Variants in ZNF517 observed in about 807,000 individuals in gnomAD.
The protein encoded by ZNF517 is zinc finger protein 517.
A neutral mutation model predicts 12.1 loss-of-function variants in ZNF517; 12 were observed. The ratio of observed to expected loss-of-function variants is 0.99; its 90% CI spans 0.63 to 1.61. The LOEUF (loss-of-function observed/expected upper bound fraction) is 1.61, where lower values mean the gene tolerates loss of function less well. Ranked by LOEUF, ZNF517 falls within the 40% of genes most tolerant of loss-of-function variation. The probability of loss-of-function intolerance (pLI) is 0.00; values close to 1 mark genes in which losing one functional copy is unlikely to be tolerated. For missense variants in ZNF517, 781 were observed against 693.2 expected, an observed-to-expected ratio of 1.13 and a Z score of -1.42; for synonymous variants, 388 against 310.2, an observed-to-expected ratio of 1.25 and a Z score of -2.63.
At chr8:144,800,748 C>T in intron 1 of ZNF517, 1 of 955,732 alleles carries the variant, frequency 1.0e-6, no homozygotes, top group African/African-American at 1.8e-5. Context: ...CCCCCATCGC[C>T]CTTCGTACCC....
downstream of ZNF517, among the ~76,000 whole-genome samples, chr8:144,812,423 G>A (rs1241145693): frequency 6.7e-6 from 1 of 149,536 alleles, no homozygotes; most frequent in African/African-American, 2.5e-5. Flanking sequence ...CAAAGGCTGA[G>A]ACAGGGTGGG....
At chr8:144,799,470 C>T (rs1280843660) in intron 1 of ZNF517, among the ~76,000 whole-genome samples, 3 of 152,228 alleles carry the variant, frequency 2.0e-5, no homozygotes, top group Non-Finnish European at 4.4e-5. Flanking sequence ...GCGAACAGCC[C>T]GCCTCGCCTC....
chr8:144,807,422 G>C lies in ZNF517; in HGVS notation c.506G>C (p.Arg169Pro). The stretch of plus-strand genomic sequence containing the variant: ...AGGGTTCTGCAGGAAGACCTGGGCC[G>C]GCCTGTGGGGAGCTCAGCCCCCCGC... Reference protein sequence around the residue: ...SPRVLQEDLGRPVGSSAPRYR... With the variant: ...SPRVLQEDLGPPVGSSAPRYR... The change falls in exon 5 of 5, where the codon CGG becomes CCG. Residue 169 changes from arginine to proline, a missense_variant. Transcript: ENST00000359971. 1 of 1,567,878 alleles carries C rather than the reference G, an allele frequency of 6.4e-7. No homozygotes were observed.
At chr8:144,805,740 C>T (rs933628392) in intron 4 of ZNF517, among the ~76,000 whole-genome samples, 5 of 151,770 alleles carry the variant, frequency 3.3e-5, no homozygotes, top group African/African-American at 4.8e-5. Context: ...CTCAGCCTCC[C>T]GAGTAGCTGG....
intron 1 of ZNF517, chr8:144,800,710 G>C (rs1287084185): frequency 2.0e-6 from 2 of 985,058 alleles, no homozygotes; most frequent in African/African-American, 3.5e-5. Context: ...CCTCTGTGCA[G>C]GGGTGATTCA....
intron 2 of ZNF517, chr8:144,803,274 G>A (rs749394606): frequency 2.1e-5 from 10 of 475,010 alleles, no homozygotes; most frequent in African/African-American, 3.9e-5. Context: ...TCCCTCTCCT[G>A]ATGCTGACTC....
chr8:144,807,588 G>C lies in ZNF517; in HGVS notation c.672G>C (p.Gln224His), dbSNP rs940049236. 5.0e-6 allele frequency: 8 copies of C among 1,605,344 alleles called. No individual in the cohort carries two copies. The South Asian group carries it at 8.9e-5, about 18-fold the overall frequency. The change falls in exon 5 of 5, where the codon CAG (glutamine) becomes CAC (histidine). Residue 224 changes from glutamine (Q) to histidine (H), a missense_variant. Coordinates refer to ENST00000359971, the MANE Select transcript of ZNF517 (RefSeq NM_213605.3). The part of the protein sequence containing the change: ...FKQSSILLRH[Q>H]LIHTEEKPFQ... ...AAAGCTCCATCCTGCTGCGGCACCA[G>C]CTGATCCACACTGAGGAGAAGCCGT...
chr8:144,802,645 C>T, intron 1 of ZNF517: 2 of 559,324 alleles, frequency 3.6e-6, no homozygotes, highest in Non-Finnish European at 4.5e-6. Context: ...AAATGGTGGT[C>T]ACAGAAGGCC....
Position 144,808,106 on chromosome 8 carries a change from A to C in ZNF517, c.1190A>C (p.Glu397Ala), listed in dbSNP as rs1827370819. The change falls in exon 5 of 5, where the codon GAG becomes GCG. Residue 397 changes from glutamate (E) to alanine (A), a missense_variant. Transcript: ENST00000359971. ...CTACACACGGGCGAGAAGCCGTTCG[A>C]GTGCGCGGAGTGCGGCAAGGCCTTC... ...LRLHTGEKPF[E>A]CAECGKAFGR... 1.9e-6 allele frequency: 3 copies of C among 1,610,804 alleles called. No individual in the cohort carries two copies. The African/African-American group carries it at 4.0e-5, about 22-fold the overall frequency.
intron 1 of ZNF517, among the ~76,000 whole-genome samples, chr8:144,799,742 C>T (rs1371356552): frequency 3.3e-5 from 5 of 152,164 alleles, no homozygotes; most frequent in Non-Finnish European, 5.9e-5. Flanking sequence ...AGATCGAGAC[C>T]ATCCTGGCTA....
downstream of ZNF517, chr8:144,810,878 T>C (rs1246507644): frequency 6.5e-6 from 1 of 152,710 alleles, no homozygotes; most frequent in African/African-American, 2.4e-5. Context: ...GGTCATGGCA[T>C]GCCCGGCCCA....
rs189510048 is a variant in ZNF517 at position 144,807,925 on chromosome 8, C to T, written c.1009C>T (p.Arg337Trp). The change falls in exon 5 of 5, where the codon CGG becomes TGG. Residue 337 changes from arginine (R) to tryptophan (W), a missense_variant. Arg to Trp is a moderately radical substitution (Grantham distance 101). Transcript: ENST00000359971. ...IRGSSLLKHH[R>W]LHAQEGAQDG... ...AGGGTCCTCGCTCCTGAAGCACCAC[C>T]GGCTGCACGCGCAGGAGGGTGCCCA... 115 of 1,513,228 alleles carry T rather than the reference C, an allele frequency of 7.6e-5. No individual in the cohort carries two copies. In the Admixed American group the frequency reaches 1.3e-3, roughly 18 times the overall value. The allele number at this position is 1,513,228 out of a possible 1,614,324, so 93.7% of individuals were successfully genotyped here. A position where few individuals can be genotyped will look rare whatever the true frequency, so the allele number is the denominator to read the frequency against.
Position 144,808,333 on chromosome 8 carries a change from G to A in ZNF517, c.1417G>A (p.Val473Met), listed in dbSNP as rs750735828. Reference sequence around the variant, plus strand: ...GTCCACCCTCATCCAGCACCAGAAGGTGCACGGCCGCGAGCCCGGGGAGGA... The same window carrying A: ...GTCCACCCTCATCCAGCACCAGAAGATGCACGGCCGCGAGCCCGGGGAGGA... ...RLSTLIQHQK[V>M]HGREPGEDTE... The change falls in exon 5 of 5, where the codon GTG becomes ATG. Residue 473 changes from valine to methionine, a missense_variant. Val to Met is a conservative substitution (Grantham distance 21). Coordinates refer to ENST00000359971, the MANE Select transcript of ZNF517 (RefSeq NM_213605.3). 4 of 1,489,730 alleles carry A rather than the reference G, an allele frequency of 2.7e-6. No homozygotes were observed. The highest frequency in any genetic ancestry group is 3.6e-6 in the Non-Finnish European group (4 of 1,116,906). 92.3% of individuals were successfully genotyped at this position (1,489,730 alleles called of 1,614,324 possible).
At chr8:144,806,570 C>T (rs192310153) in intron 4 of ZNF517, among the ~76,000 whole-genome samples, 18 of 151,514 alleles carry the variant, frequency 1.2e-4, no homozygotes, top group African/African-American at 3.9e-4. Context: ...CTGCAACCTC[C>T]GCTTCTTGGG....
downstream of ZNF517, chr8:144,810,492 C>T (rs192934044): frequency 4.8e-3 from 1,850 of 381,952 alleles, 19 homozygotes; most frequent in Non-Finnish European, 3.2e-3. Context: ...GGGCAGTAGC[C>T]GGGACATGGT....
Position 144,802,722 on chromosome 8 carries a change from ACCT to A in ZNF517, c.-45-144_-45-142del, listed in dbSNP as rs961728442. On this transcript the variant is annotated intron_variant, in intron 1 of 4. Transcript: ENST00000359971. ...TGTTCCCATGGAGAAGCTTGGATACACCTCCTTGGGACGTGAAGGAGGCGGCTG... is the reference window on the plus strand; with the variant it reads ...TGTTCCCATGGAGAAGCTTGGATACACCTTGGGACGTGAAGGAGGCGGCTG... The A allele has an allele frequency of 3.8e-6, 5 of 1,332,998 alleles. No homozygotes were observed. In the Admixed American group the frequency reaches 1.3e-4, roughly 34 times the overall value. 82.6% of individuals were successfully genotyped at this position (1,332,998 alleles called of 1,614,324 possible).
In ZNF517 at chr8:144,799,736, C is replaced by T. The variant is rs143886405; in HGVS notation, c.-46+799C>T. ...CGGGCGGATCACGAGGTCAGGAGATCGAGACCATCCTGGCTAACACGGTGA... is the reference window on the plus strand; with the variant it reads ...CGGGCGGATCACGAGGTCAGGAGATTGAGACCATCCTGGCTAACACGGTGA... On this transcript the variant is annotated intron_variant, in intron 1 of 4. Coordinates refer to ENST00000359971, the MANE Select transcript of ZNF517 (RefSeq NM_213605.3). Among the ~76,000 whole-genome samples, 201 of 152,106 alleles carry T rather than the reference C, an allele frequency of 1.3e-3. 1 individual carries two copies. Among genetic ancestry groups the T allele is most frequent in the Non-Finnish European group, 2.1e-3 (141 of 67,954 alleles).
Position 144,807,658 on chromosome 8 carries a change from C to G in ZNF517, c.742C>G (p.Leu248Val). 2 of 1,609,208 alleles carry G rather than the reference C, an allele frequency of 1.2e-6. No individual in the cohort carries two copies. The highest frequency in any genetic ancestry group is 1.7e-6 in the Non-Finnish European group (2 of 1,179,176). Residue 248 changes from leucine (L) to valine (V), a missense_variant, in exon 5 of 5, where the codon CTG becomes GTG. By Grantham distance (32) the Leu-to-Val change is conservative. Coordinates refer to ENST00000359971, the MANE Select transcript of ZNF517 (RefSeq NM_213605.3). ...CGKAFRQSTQ[L>V]AAHHRVHTRE... ...GAAGGCCTTCCGGCAGAGCACGCAGCTGGCTGCCCACCACCGCGTCCACAC... is the reference window on the plus strand; with the variant it reads ...GAAGGCCTTCCGGCAGAGCACGCAGGTGGCTGCCCACCACCGCGTCCACAC...
At position 144,808,091 on chromosome 8, in the gene ZNF517, G is replaced by A; in HGVS notation, c.1175G>A (p.Gly392Asp). The change falls in exon 5 of 5, where the codon GGC becomes GAC. Residue 392 changes from glycine (G) to aspartate (D), a missense_variant. By Grantham distance (94) the Gly-to-Asp change is moderately conservative. Coordinates refer to ENST00000359971, the MANE Select transcript of ZNF517 (RefSeq NM_213605.3). ...CTGCTGCACCTGCGCCTACACACGG[G>A]CGAGAAGCCGTTCGAGTGCGCGGAG... ...LLLLHLRLHT[G>D]EKPFECAECG... 1 of 1,611,604 alleles carries A rather than the reference G, an allele frequency of 6.2e-7. No homozygotes were observed. The highest frequency in any genetic ancestry group is 1.3e-5 in the African/African-American group (1 of 74,968).
Sources: allele counts gnomAD v4.1 joint callset (sites outside exome capture counted in the v4.1 genomes callset), GRCh38; gene constraint gnomAD v4.1.1; transcripts MANE v1.5; gene names NCBI Gene and HGNC (gene_info 2026-07-23, HGNC 2026-07-21).